Variants in SHROOM3 observed in about 807,000 individuals in gnomAD.
SHROOM3 encodes protein Shroom3.
In SHROOM3, 47 loss-of-function variants were observed where a neutral mutation model predicts 138.6. The observed-to-expected ratio is 0.34, with a 90% confidence interval of 0.27 to 0.43. The LOEUF (loss-of-function observed/expected upper bound fraction) is 0.43, where lower values mean the gene tolerates loss of function less well. Among genes scored for constraint, SHROOM3 ranks in the 20% least tolerant of loss-of-function variants. SHROOM3 has a pLI of 1.00. For missense variants in SHROOM3, 2,491 were observed against 2,596.5 expected (o/e 0.96, Z 0.88); for synonymous variants, 1,062 against 1,063.3 (o/e 1.00, Z 0.02).
intron 2 of SHROOM3, chr4:76,586,326 G>A: frequency 1.0e-6 from 1 of 985,696 alleles, no homozygotes; most frequent in Non-Finnish European, 1.2e-6. Flanking sequence ...GATCCTTCCT[G>A]GGCCAGAACC....
intron 5 of SHROOM3, among the ~76,000 whole-genome samples, chr4:76,748,814 CT>C (rs34047499): frequency 1.5e-3 from 149 of 100,580 alleles, no homozygotes; most frequent in South Asian, 6.7e-3. Flanking sequence ...TCTGACTCTG[CT>C]TTTTTTTTTT....
At chr4:76,479,706 A>G (rs1731565163) in intron 1 of SHROOM3, among the ~76,000 whole-genome samples, 2 of 152,220 alleles carry the variant, frequency 1.3e-5, no homozygotes, top group African/African-American at 4.8e-5. Flanking sequence ...GAAATGAAGG[A>G]AAATACGTTA....
intron 1 of SHROOM3, among the ~76,000 whole-genome samples, chr4:76,547,913 G>C (rs1402864756): frequency 1.5e-5 from 2 of 134,010 alleles, no homozygotes; most frequent in Admixed American, 7.8e-5. Context: ...CTGGGTGACA[G>C]TGCAAGGCCC....
At position 76,739,146 on chromosome 4, in the gene SHROOM3, T is replaced by G. The variant is rs61999292; in HGVS notation, c.973T>G (p.Ser325Ala). 0.078 allele frequency: 126,299 copies of G among 1,614,028 alleles called. 5,582 individuals carry two copies. The highest frequency in any genetic ancestry group is 0.12 in the Middle Eastern group (718 of 6,062). ...RGVSAEYEVN[S>A]SALLLQGREA... ...AGTCTCAGCAGAGTATGAGGTGAAC[T>G]CTTCAGCCCTGCTGCTTCAAGGTAG... Residue 325 changes from serine (S) to alanine (A), a missense_variant, in exon 5 of 11, where the codon TCT (serine) becomes GCT (alanine). Physicochemically the swap from Ser to Ala is moderately conservative, Grantham distance 99. Coordinates refer to ENST00000296043, the MANE Select transcript of SHROOM3 (RefSeq NM_020859.4).
At chr4:76,495,594 C>T (rs1330593524) in intron 1 of SHROOM3, among the ~76,000 whole-genome samples, 2 of 152,172 alleles carry the variant, frequency 1.3e-5, no homozygotes, top group Non-Finnish European at 1.5e-5. Flanking sequence ...TGTAATGAAT[C>T]CCTGTCTCTG....
intron 2 of SHROOM3, among the ~76,000 whole-genome samples, chr4:76,615,224 C>G (rs1455497420): frequency 6.6e-6 from 1 of 152,210 alleles, no homozygotes; most frequent in Admixed American, 6.5e-5. Flanking sequence ...CCTTTGCTTA[C>G]TACATATTGT....
In SHROOM3 at chr4:76,740,680, A is replaced by G. The variant is rs1489825411; in HGVS notation, c.2507A>G (p.Glu836Gly). The change falls in exon 5 of 11, where the codon GAG becomes GGG. Residue 836 changes from glutamate to glycine, a missense_variant. Transcript: ENST00000296043. The surrounding 1 kb of genome is among the most constrained non-coding windows in gnomAD (Gnocchi z 4.0). ...EETKAHIRFS[E>G]SAEPLGNGEQ... ...ACAAAAGCACACATTCGTTTCTCTG[A>G]GTCAGCTGAACCCCTAGGCAACGGG... is the stretch of plus-strand genomic sequence containing the variant. The G allele has an allele frequency of 1.2e-6, 2 of 1,614,096 alleles. No homozygotes were observed. The highest frequency in any genetic ancestry group is 1.7e-5 in the Admixed American group (1 of 60,036).
At chr4:76,569,969 G>A (rs2110037521) in intron 2 of SHROOM3, among the ~76,000 whole-genome samples, 2 of 152,272 alleles carry the variant, frequency 1.3e-5, no homozygotes, top group South Asian at 2.1e-4. Flanking sequence ...TGAGATCAGT[G>A]TCCATTTGAG....
chr4:76,445,374 T>G (rs1490774365), intron 1 of SHROOM3, among the ~76,000 whole-genome samples: 1 of 152,122 alleles, frequency 6.6e-6, no homozygotes, highest in African/African-American at 2.4e-5. Flanking sequence ...GTGTGGTAAG[T>G]ATTATTAAGA....
rs562339775 is a variant in SHROOM3, at chr4:76,693,081, G to T, written c.324-17075G>T. On this transcript the variant is annotated intron_variant, in intron 2 of 10. Coordinates refer to ENST00000296043, the MANE Select transcript of SHROOM3 (RefSeq NM_020859.4). Reference sequence around the variant, plus strand: ...TCTAGGCATATATTACCCTGGACAAGATATTAAATAAATACCTCTGAGCTG... The same window carrying T: ...TCTAGGCATATATTACCCTGGACAATATATTAAATAAATACCTCTGAGCTG... 1.1e-3 allele frequency among the ~76,000 whole-genome samples: 170 copies of T among 152,260 alleles called. 1 individual carries two copies. The highest frequency in any genetic ancestry group is 4.0e-3 in the African/African-American group (165 of 41,554).
At chr4:76,691,951 A>G (rs1343275127) in intron 2 of SHROOM3, among the ~76,000 whole-genome samples, 7 of 152,166 alleles carry the variant, frequency 4.6e-5, no homozygotes, top group Admixed American at 4.6e-4. Context: ...TCAGGATTTC[A>G]TGGGTTGCCG....
rs942623716 is a variant in SHROOM3, at chr4:76,754,902, C to T, written c.4419C>T (p.Asp1473=). 5.6e-6 allele frequency: 9 copies of T among 1,614,104 alleles called. No individual in the cohort carries two copies. In the Admixed American group the frequency reaches 1.2e-4, roughly 21 times the overall value. ...LPSLCSTSDP[D]TPLGAPSTPG... Reference sequence around the variant, plus strand: ...GTTTATGCAGCACTTCTGACCCAGACACACCTCTTGGGGCCCCGAGCACTC... The same window carrying T: ...GTTTATGCAGCACTTCTGACCCAGATACACCTCTTGGGGCCCCGAGCACTC... The change falls in exon 7 of 11, where the codon GAC becomes GAT. Residue 1473 remains aspartate (D), a synonymous_variant. Coordinates refer to ENST00000296043, the MANE Select transcript of SHROOM3 (RefSeq NM_020859.4).
At chr4:76,542,414 G>A (rs929775308) in intron 1 of SHROOM3, among the ~76,000 whole-genome samples, 1 of 152,218 alleles carries the variant, frequency 6.6e-6, no homozygotes, top group Non-Finnish European at 1.5e-5. Context: ...AAAGGTTGCA[G>A]ATGGAATTAA....
At chr4:76,693,798 G>A (rs1295977680) in intron 2 of SHROOM3, among the ~76,000 whole-genome samples, 1 of 149,110 alleles carries the variant, frequency 6.7e-6, no homozygotes, top group Non-Finnish European at 1.5e-5. Context: ...CCAAAGAGAG[G>A]AACTACGCAC....
intron 2 of SHROOM3, among the ~76,000 whole-genome samples, chr4:76,693,365 A>ATTTTTTTTTTT (rs1719611982): frequency 6.2e-5 from 4 of 64,998 alleles, no homozygotes; most frequent in African/African-American, 3.5e-4. Flanking sequence ...CATTTTGATA[A>ATTTTTTTTTTT]GTTTGTTTTT....
At chr4:76,446,323 G>T (rs1730803057) in intron 1 of SHROOM3, among the ~76,000 whole-genome samples, 1 of 79,600 alleles carries the variant, frequency 1.3e-5, no homozygotes, top group Non-Finnish European at 3.0e-5. Flanking sequence ...TTGATAAACT[G>T]GTAAAAAAAA....
chr4:76,496,767 A>T (rs1731976239), intron 1 of SHROOM3, among the ~76,000 whole-genome samples: 1 of 133,492 alleles, frequency 7.5e-6, no homozygotes, highest in African/African-American at 2.6e-5. Context: ...TCCCTTCCTC[A>T]TTCAGTCAAT....
At chr4:76,625,477 CTT>C (rs1455124700) in intron 2 of SHROOM3, among the ~76,000 whole-genome samples, 1 of 150,474 alleles carries the variant, frequency 6.6e-6, no homozygotes, top group Non-Finnish European at 1.5e-5. Flanking sequence ...CCTTCTCCCT[CTT>C]TAGTCCCTCC....
chr4:76,780,889 T>C lies in SHROOM3; in HGVS notation c.*1712T>C, dbSNP rs1237001991. On this transcript the variant is annotated 3_prime_UTR_variant, in exon 11 of 11. Transcript: ENST00000296043. Reference sequence around the variant, plus strand: ...AGCCACACTGCATGGTCATCAGTCTTAGGCCAACATGGGAGCCTGAAATTA... The same window carrying C: ...AGCCACACTGCATGGTCATCAGTCTCAGGCCAACATGGGAGCCTGAAATTA... 6.6e-6 allele frequency: 1 copy of C among 152,214 alleles called. No homozygotes were observed. Among genetic ancestry groups the C allele is most frequent in the Non-Finnish European group, 1.5e-5 (1 of 68,048 alleles). 9.4% of individuals were successfully genotyped at this position (152,214 alleles called of 1,614,324 possible). A position where few individuals can be genotyped will look rare whatever the true frequency, so the allele number is the denominator to read the frequency against.
Sources: allele counts gnomAD v4.1 joint callset (sites outside exome capture counted in the v4.1 genomes callset), GRCh38; gene constraint gnomAD v4.1.1; non-coding constraint Gnocchi (gnomAD v3.1); transcripts MANE v1.5; gene names NCBI Gene and HGNC (gene_info 2026-07-23, HGNC 2026-07-21).